The following COL4A6 variants were observed in gnomAD, a reference collection of about 807,000 sequenced individuals.
The protein encoded by COL4A6 is collagen alpha-6(IV) chain.
COL4A6 carries 59 observed loss-of-function variants against 126.7 expected under a neutral mutation model. The observed-to-expected ratio is 0.47, with a 90% confidence interval of 0.38 to 0.58. The LOEUF (loss-of-function observed/expected upper bound fraction) is 0.58, where lower values mean the gene tolerates loss of function less well. Ranked by LOEUF, COL4A6 falls within the 20% of genes least tolerant of loss-of-function variation. The pLI, the probability that COL4A6 is intolerant of heterozygous loss-of-function variation, is 0.00. For missense variants in COL4A6, 1,285 were observed against 1,337.3 expected, an observed-to-expected ratio of 0.96 and a Z score of 0.61; for synonymous variants, 547 against 496.6, an observed-to-expected ratio of 1.10 and a Z score of -1.35.
chrX:108,263,069 C>T (rs1171726092), intron 3 of COL4A6, among the ~76,000 whole-genome samples: 8 of 111,212 alleles, frequency 7.2e-5, no homozygotes, highest in Non-Finnish European at 1.5e-4. Flanking sequence ...CCACCACAAA[C>T]ATCATGAATG....
chrX:108,299,466 G>A (rs1270030337), intron 3 of COL4A6, among the ~76,000 whole-genome samples: 1 of 110,690 alleles, frequency 9.0e-6, no homozygotes, highest in Admixed American at 9.6e-5. Flanking sequence ...TCCTCTCTGG[G>A]CCCCACAGCA....
At chrX:108,378,030 G>A (rs1204598985) in intron 2 of COL4A6, among the ~76,000 whole-genome samples, 1 of 108,078 alleles carries the variant, frequency 9.3e-6, no homozygotes, top group Non-Finnish European at 1.9e-5. Flanking sequence ...ATTAAAGTAG[G>A]CAGTCCATTT....
At chrX:108,371,293 A>G (rs2040317821) in intron 2 of COL4A6, among the ~76,000 whole-genome samples, 1 of 110,399 alleles carries the variant, frequency 9.1e-6, no homozygotes. Flanking sequence ...TAAAAAAGCA[A>G]TATATGAACA....
intron 2 of COL4A6, among the ~76,000 whole-genome samples, chrX:108,419,202 A>G (rs781555633): frequency 8.0e-5 from 9 of 112,360 alleles, no homozygotes; most frequent in Non-Finnish European, 1.1e-4. Flanking sequence ...TTCATTTTTA[A>G]TTTTAATCCT....
At chrX:108,385,853 G>C (rs747065516) in intron 2 of COL4A6, among the ~76,000 whole-genome samples, 35 of 109,429 alleles carry the variant, frequency 3.2e-4, no homozygotes, top group Non-Finnish European at 5.7e-4. Flanking sequence ...TTCTCCTAAT[G>C]CTATCTCTCC....
chrX:108,318,340 T>G (rs2038937614), intron 2 of COL4A6, among the ~76,000 whole-genome samples: 1 of 111,359 alleles, frequency 9.0e-6, no homozygotes, highest in Non-Finnish European at 1.9e-5. Flanking sequence ...CTCTCACCAC[T>G]CCTATTCAAC....
intron 2 of COL4A6, among the ~76,000 whole-genome samples, chrX:108,427,606 A>G (rs1041959938): frequency 4.5e-5 from 5 of 111,607 alleles, no homozygotes; most frequent in South Asian, 3.8e-4. Context: ...ATGGAATTGG[A>G]TGGGTAGGCA....
In COL4A6 at chrX:108,437,881, G is replaced by C. The variant is rs2064296511; in HGVS notation, c.63+61C>G. The C allele has an allele frequency of 1.2e-5, 14 of 1,153,690 alleles. 1 individual carries two copies. Among genetic ancestry groups the C allele is most frequent in the Non-Finnish European group, 1.5e-5 (13 of 845,186 alleles). ...GCAACCCCCTAACATAAATACTAGA[G>C]ATGGGGATGGTTAGAGGGTCAAAGG... On this transcript the variant is annotated intron_variant, in intron 2 of 44. Coordinates refer to ENST00000334504, the MANE Select transcript of COL4A6 (RefSeq NM_033641.4).
rs766781585 is a variant in COL4A6 at position 108,160,536 on chromosome X, C to T, written c.4452G>A (p.Gly1484=). 1.3e-5 allele frequency: 16 copies of T among 1,211,335 alleles called. No individual in the cohort carries two copies. The South Asian group carries it at 2.8e-4, about 21-fold the overall frequency. ...TGTACCCCACCCACAGCTGGCTCAT[C>T]CCGATGGGACACGGGGGCACCTGTT... ...QSEQVPPCPI[G]MSQLWVGYSL... is the part of the protein sequence containing the mutation. Residue 1484 remains glycine, a synonymous_variant, in exon 43 of 45, where the codon GGG becomes GGA. Transcript: ENST00000334504.
At chrX:108,183,473 A>T (rs2034748701) in intron 23 of COL4A6, among the ~76,000 whole-genome samples, 1 of 111,220 alleles carries the variant, frequency 9.0e-6, no homozygotes, top group African/African-American at 3.3e-5. Context: ...GGTGAAGGAA[A>T]TCAGCCCCTC....
At chrX:108,277,002 T>C (rs1373894938) in intron 3 of COL4A6, among the ~76,000 whole-genome samples, 2 of 112,306 alleles carry the variant, frequency 1.8e-5, no homozygotes, top group Non-Finnish European at 3.8e-5. Context: ...GAAGTACCAC[T>C]GGTTGAAAGG....
At chrX:108,404,950 C>T (rs1012558574) in intron 2 of COL4A6, among the ~76,000 whole-genome samples, 2 of 111,189 alleles carry the variant, frequency 1.8e-5, no homozygotes, top group Non-Finnish European at 3.8e-5. Flanking sequence ...CAATGGTTGT[C>T]AAACTTCTCT....
intron 2 of COL4A6, among the ~76,000 whole-genome samples, chrX:108,428,920 C>A (rs181540491): frequency 3.7e-4 from 41 of 111,928 alleles, no homozygotes; most frequent in African/African-American, 1.3e-3. Context: ...GAAATATGTG[C>A]TTACCATATA....
intron 40 of COL4A6, 187 bp from the exon 41 acceptor site, chrX:108,163,225 T>G: frequency 2.5e-6 from 1 of 397,451 alleles, no homozygotes; most frequent in Non-Finnish European, 4.3e-6. Context: ...CTCTCCCCAG[T>G]GGTTGGGTAG....
At chrX:108,193,084 G>A (rs752673028) in intron 17 of COL4A6, among the ~76,000 whole-genome samples, 44 of 111,761 alleles carry the variant, frequency 3.9e-4, no homozygotes, top group Non-Finnish European at 8.1e-4. Context: ...TGGAGATACT[G>A]GGCATCTCAG....
intron 2 of COL4A6, among the ~76,000 whole-genome samples, chrX:108,346,371 T>C (rs994013053): frequency 2.7e-5 from 3 of 111,016 alleles, no homozygotes; most frequent in Non-Finnish European, 5.7e-5. Context: ...TCTTAACTCC[T>C]CTGAAATGAA....
intron 3 of COL4A6, among the ~76,000 whole-genome samples, chrX:108,301,536 C>T (rs2038489820): frequency 9.0e-6 from 1 of 111,067 alleles, no homozygotes; most frequent in Non-Finnish European, 1.9e-5. Context: ...AATCTGACTG[C>T]AACGAGTAAT....
intron 2 of COL4A6, among the ~76,000 whole-genome samples, chrX:108,319,294 C>G (rs1266320777): frequency 1.8e-5 from 2 of 112,029 alleles, no homozygotes; most frequent in Non-Finnish European, 3.8e-5. Context: ...CACTGGAGCC[C>G]AGGAGTTTGA....
At chrX:108,265,663 A>G (rs1337808611) in intron 3 of COL4A6, among the ~76,000 whole-genome samples, 1 of 110,876 alleles carries the variant, frequency 9.0e-6, no homozygotes, top group Non-Finnish European at 1.9e-5. Context: ...ATGAAACACT[A>G]TTTCAGGAAG....
Sources: gnomAD v4.1 joint callset for allele counts (sites outside exome capture counted in the v4.1 genomes callset) on GRCh38, gnomAD v4.1.1 for gene constraint, MANE v1.5 for transcripts, NCBI Gene and HGNC (gene_info 2026-07-23, HGNC 2026-07-21) for gene names.